Variants in ZNF618 observed in about 807,000 individuals in gnomAD.
ZNF618 encodes neural precursor cell expressed, developmentally down-regulated 10.
Under a neutral mutation model 103.0 loss-of-function variants are expected in ZNF618, and 34 were observed. The ratio of observed to expected loss-of-function variants is 0.33; its 90% CI spans 0.25 to 0.44. The LOEUF (loss-of-function observed/expected upper bound fraction) is 0.44. ZNF618 is among the 20% of genes least tolerant of loss of function. The pLI is 1.00. For missense variants in ZNF618, 1,059 were observed against 1,295.4 expected (o/e 0.82, Z 2.80); for synonymous variants, 551 against 542.2 (o/e 1.02, Z -0.23).
intron 1 of ZNF618, among the ~76,000 whole-genome samples, chr9:113,943,853 T>A (rs1183422973): frequency 6.6e-6 from 1 of 152,130 alleles, no homozygotes; most frequent in African/African-American, 2.4e-5. Context: ...GGCTTGGACT[T>A]CAGTGTTGAA....
chr9:114,037,895 G>A (rs1012237690), intron 13 of ZNF618, among the ~76,000 whole-genome samples: 11 of 152,180 alleles, frequency 7.2e-5, no homozygotes, highest in South Asian at 4.2e-4. Flanking sequence ...CACTTGCCTC[G>A]GAGACCTGCT....
At chr9:113,975,814 G>T (rs1199198414) in intron 2 of ZNF618, among the ~76,000 whole-genome samples, 2 of 152,206 alleles carry the variant, frequency 1.3e-5, no homozygotes, top group Non-Finnish European at 2.9e-5. Flanking sequence ...AACGGGGTAT[G>T]TTTTGGGAGG....
chr9:113,938,564 C>CTT (rs751883694), intron 1 of ZNF618, among the ~76,000 whole-genome samples: 5 of 77,722 alleles, frequency 6.4e-5, no homozygotes, highest in East Asian at 4.1e-4. Context: ...ATTATATTTT[C>CTT]TTTTTTTCTT....
chr9:113,968,188 A>G (rs780401038), intron 1 of ZNF618, among the ~76,000 whole-genome samples: 1 of 152,148 alleles, frequency 6.6e-6, no homozygotes, highest in Non-Finnish European at 1.5e-5. Flanking sequence ...TATCCTATGT[A>G]GGGTTACCTA....
chr9:113,952,051 G>A (rs1360544251), intron 1 of ZNF618, among the ~76,000 whole-genome samples: 1 of 152,096 alleles, frequency 6.6e-6, no homozygotes, highest in Non-Finnish European at 1.5e-5. Flanking sequence ...TATGTGGACG[G>A]GGCGTTTCAT....
intron 1 of ZNF618, among the ~76,000 whole-genome samples, chr9:113,885,209 C>G (rs1828951499): frequency 6.6e-6 from 1 of 152,110 alleles, no homozygotes; most frequent in Non-Finnish European, 1.5e-5. Flanking sequence ...GGATGATGAC[C>G]TGGGTTTGGG....
intron 13 of ZNF618, among the ~76,000 whole-genome samples, chr9:114,038,379 C>G (rs1031705180): frequency 1.3e-5 from 2 of 152,206 alleles, no homozygotes; most frequent in Non-Finnish European, 2.9e-5. Flanking sequence ...GGAGTGGAGC[C>G]GTGGGCTGCT....
chr9:113,904,801 G>A (rs1035836055), intron 1 of ZNF618, among the ~76,000 whole-genome samples: 2 of 152,106 alleles, frequency 1.3e-5, no homozygotes, highest in South Asian at 4.1e-4. Context: ...TAGCAACATT[G>A]GGCAGAGTTC....
intron 13 of ZNF618, among the ~76,000 whole-genome samples, chr9:114,046,782 A>G (rs539646876): frequency 6.6e-6 from 1 of 152,326 alleles, no homozygotes; most frequent in East Asian, 1.9e-4. Flanking sequence ...CTTTTTCCGC[A>G]TCTATTGAGA....
Position 114,049,944 on chromosome 9 carries a change from C to G in ZNF618, c.2642C>G (p.Pro881Arg). 6.2e-7 allele frequency: 1 copy of G among 1,613,938 alleles called. No homozygotes were observed. Residue 881 changes from proline (P) to arginine (R), a missense_variant, in exon 15 of 15, where the codon CCC becomes CGC. By Grantham distance (103) the Pro-to-Arg change is moderately radical. This residue lies in a region of ZNF618 where 156 missense variants were observed against 197.1 expected (regional missense o/e 0.79). Coordinates refer to ENST00000374126, the MANE Select transcript of ZNF618 (RefSeq NM_001318042.2). ...GAAGTGTACGATTACCTGCAGGAGC[C>G]CCTCTTCCAGGCTACCCCTGATCTC... ...KNEVYDYLQE[P>R]LFQATPDLFQ...
chr9:114,015,491 G>A (rs1407512599), intron 9 of ZNF618, among the ~76,000 whole-genome samples: 2 of 152,190 alleles, frequency 1.3e-5, no homozygotes, highest in Admixed American at 6.5e-5. Flanking sequence ...AATGCTGGCT[G>A]TAGTATGCAT....
intron 1 of ZNF618, among the ~76,000 whole-genome samples, chr9:113,916,649 G>C (rs1421004894): frequency 1.3e-5 from 2 of 152,288 alleles, no homozygotes; most frequent in African/African-American, 4.8e-5. Flanking sequence ...TGGTGTGAGC[G>C]TGCCTAGAAG....
At chr9:113,912,682 A>G (rs1831661855) in intron 1 of ZNF618, among the ~76,000 whole-genome samples, 2 of 152,154 alleles carry the variant, frequency 1.3e-5, no homozygotes, top group Non-Finnish European at 2.9e-5. Context: ...TCACCTTCCT[A>G]GAGTTCCTCC....
chr9:114,048,035 A>G (rs1436705151), intron 14 of ZNF618, 41 bp downstream of exon 14: 1 of 1,508,850 alleles, frequency 6.6e-7, no homozygotes, highest in South Asian at 1.2e-5. Context: ...GGGTCCCCTT[A>G]TGCTCCAGTT....
chr9:113,959,249 T>C (rs1836613956), intron 1 of ZNF618, among the ~76,000 whole-genome samples: 1 of 151,668 alleles, frequency 6.6e-6, no homozygotes, highest in East Asian at 1.9e-4. Flanking sequence ...ATTGCGCCAT[T>C]GCACTCCAGC....
chr9:113,916,582 T>C (rs1832104975), intron 1 of ZNF618, among the ~76,000 whole-genome samples: 1 of 152,162 alleles, frequency 6.6e-6, no homozygotes, highest in Non-Finnish European at 1.5e-5. Context: ...GATTGATCAA[T>C]GAGTATCATG....
At chr9:113,928,864 T>C (rs1001408436) in intron 1 of ZNF618, among the ~76,000 whole-genome samples, 5 of 152,316 alleles carry the variant, frequency 3.3e-5, no homozygotes, top group African/African-American at 1.2e-4. Context: ...GCTGTGATCT[T>C]CAGAAAAATT....
chr9:113,975,245 G>A (rs1181592475), intron 2 of ZNF618, among the ~76,000 whole-genome samples: 1 of 152,180 alleles, frequency 6.6e-6, no homozygotes, highest in Non-Finnish European at 1.5e-5. Context: ...CTTTCAGATA[G>A]TGATTGGCAT....
chr9:114,016,255 G>T (rs986606188), intron 9 of ZNF618: 4 of 1,308,052 alleles, frequency 3.1e-6, no homozygotes, highest in Non-Finnish European at 2.2e-6. Context: ...GGCAGGGAAG[G>T]TCCTGGAGAT....
Sources: allele counts gnomAD v4.1 joint callset (sites outside exome capture counted in the v4.1 genomes callset), GRCh38; gene constraint gnomAD v4.1.1; regional missense constraint gnomAD v4.1.1; transcripts MANE v1.5; gene names NCBI Gene and HGNC (gene_info 2026-07-23, HGNC 2026-07-21).